NAA25: variants seen among roughly 807,000 people sequenced by gnomAD.
NAA25 encodes the protein N-alpha-acetyltransferase 25, NatB auxiliary subunit.
NAA25 carries 30 observed loss-of-function variants against 132.5 expected under a neutral mutation model. The ratio of observed to expected loss-of-function variants is 0.23; its 90% CI spans 0.17 to 0.31. The LOEUF is 0.31. NAA25 is among the 10% of genes least tolerant of loss of function. The pLI is 1.00. For synonymous variants in NAA25, 359 were observed against 401.9 expected (o/e 0.89, Z 1.28); for missense variants, 771 against 1,150.4 (o/e 0.67, Z 4.77).
intron 19 of NAA25, 88 bp downstream of exon 19, chr12:112,043,000 A>C: frequency 7.4e-7 from 1 of 1,343,292 alleles, no homozygotes; most frequent in South Asian, 1.8e-5. Context: ...GTACTCTAAA[A>C]TTTTCCAGAT....
At chr12:112,044,874 C>CT (rs2078355599) in intron 17 of NAA25, among the ~76,000 whole-genome samples, 1 of 134,082 alleles carries the variant, frequency 7.5e-6, no homozygotes, top group South Asian at 2.4e-4. Flanking sequence ...GACCCAGTCT[C>CT]TAAAAAAAAA....
At chr12:112,084,607 G>A (rs908017098) in intron 4 of NAA25, among the ~76,000 whole-genome samples, 7 of 151,758 alleles carry the variant, frequency 4.6e-5, no homozygotes, top group Non-Finnish European at 1.0e-4. Context: ...TGGCCAGCAT[G>A]GTGAAACCCC....
chr12:112,040,371 G>C, intron 21 of NAA25, 110 bp downstream of exon 21: 3 of 587,276 alleles, frequency 5.1e-6, no homozygotes, highest in Non-Finnish European at 9.1e-6. Flanking sequence ...AACAGGGATG[G>C]AGGGTTAAGT....
intron 3 of NAA25, among the ~76,000 whole-genome samples, chr12:112,088,329 T>TTG (rs1334429897): frequency 6.9e-6 from 1 of 144,136 alleles, no homozygotes; most frequent in African/African-American, 2.6e-5. Context: ...TTTTTTTTTT[T>TTG]TTTTTTTTTT....
chr12:112,077,246 G>T (rs2078906402), intron 7 of NAA25, among the ~76,000 whole-genome samples: 1 of 152,006 alleles, frequency 6.6e-6, no homozygotes, highest in Non-Finnish European at 1.5e-5. Flanking sequence ...GCAGAGGCAG[G>T]CAGATCACTT....
At chr12:112,080,840 C>T (rs2078964074) in intron 5 of NAA25, among the ~76,000 whole-genome samples, 1 of 152,002 alleles carries the variant, frequency 6.6e-6, no homozygotes, top group Non-Finnish European at 1.5e-5. Flanking sequence ...AGGTGGTGTG[C>T]ACCTGTAGTC....
chr12:112,047,430 C>T (rs571388754), intron 17 of NAA25, among the ~76,000 whole-genome samples: 2 of 152,076 alleles, frequency 1.3e-5, no homozygotes, highest in East Asian at 3.9e-4. Context: ...TAGGGTTTCA[C>T]CATGTTGGCC....
At chr12:112,070,192 T>G (rs1205394524) in intron 10 of NAA25, among the ~76,000 whole-genome samples, 1 of 152,136 alleles carries the variant, frequency 6.6e-6, no homozygotes, top group African/African-American at 2.4e-5. Flanking sequence ...GAATTACTGC[T>G]TTCTTTTAGG....
intron 1 of NAA25, among the ~76,000 whole-genome samples, chr12:112,102,397 T>C (rs1489143158): frequency 6.6e-6 from 1 of 150,776 alleles, no homozygotes; most frequent in Non-Finnish European, 1.5e-5. Flanking sequence ...AAAAAAGAAA[T>C]GTACTAATCT....
rs1255551852 is a variant in NAA25 at position 112,043,696 on chromosome 12, G to C, written c.2179C>G (p.Leu727Val). The part of the protein sequence containing the change: ...ENGVSSRIDI[L>V]RLLLQQLEAT... Reference sequence around the variant, plus strand: ...TCCAGCTGTTGAAGGAGCAAACGAAGAATATCAATCCGGGAGGATACCCCA... The same window carrying C: ...TCCAGCTGTTGAAGGAGCAAACGAACAATATCAATCCGGGAGGATACCCCA... The change falls in exon 18 of 24, where the codon CTT becomes GTT. Residue 727 changes from leucine (L) to valine (V), a missense_variant. By Grantham distance (32) the Leu-to-Val change is conservative. Transcript: ENST00000261745. 6.2e-7 allele frequency: 1 copy of C among 1,614,186 alleles called. No individual in the cohort carries two copies. The highest frequency in any genetic ancestry group is 2.2e-5 in the East Asian group (1 of 44,880).
intron 3 of NAA25, among the ~76,000 whole-genome samples, chr12:112,088,374 T>C (rs1418194966): frequency 7.2e-6 from 1 of 139,306 alleles, no homozygotes; most frequent in African/African-American, 2.7e-5. Flanking sequence ...TCGCCCAGGC[T>C]GGAGTGCAAT....
chr12:112,074,630 T>C (rs1210581043), intron 9 of NAA25, 45 bp downstream of exon 9: 15 of 1,163,050 alleles, frequency 1.3e-5, no homozygotes, highest in Admixed American at 2.1e-5. Context: ...TTCACTACAC[T>C]ATATTAAAAA....
chr12:112,035,789 T>G (rs1345023512), intron 22 of NAA25, among the ~76,000 whole-genome samples: 1 of 151,956 alleles, frequency 6.6e-6, no homozygotes. Flanking sequence ...GTGATCCTCC[T>G]GCTTCAGCCT....
chr12:112,092,949 T>C (rs1566032178), intron 2 of NAA25, 102 bp downstream of exon 2: 1 of 759,264 alleles, frequency 1.3e-6, no homozygotes. Context: ...GTACTGGGAT[T>C]ACAGGCTTGA....
At chr12:112,038,124 A>T (rs1268341773) in intron 22 of NAA25, among the ~76,000 whole-genome samples, 1 of 152,108 alleles carries the variant, frequency 6.6e-6, no homozygotes, top group Non-Finnish European at 1.5e-5. Context: ...AGCAATTCTC[A>T]TACCTCAGTC....
chr12:112,039,221 G>C lies in NAA25; in HGVS notation c.2649+8C>G. 6.6e-7 allele frequency: 1 copy of C among 1,512,412 alleles called. No homozygotes were observed. Among genetic ancestry groups the C allele is most frequent in the Non-Finnish European group, 9.1e-7 (1 of 1,099,286 alleles). 93.7% of individuals were successfully genotyped at this position (1,512,412 alleles called of 1,614,324 possible). A position where few individuals can be genotyped will look rare whatever the true frequency, so the allele number is the denominator to read the frequency against. On this transcript the variant is annotated splice_region_variant and intron_variant, in intron 22 of 23. Coordinates refer to ENST00000261745, the MANE Select transcript of NAA25 (RefSeq NM_024953.4). ...TTCCTTGTATATCACTTGTGTTACT[G>C]TTATTACCATGATGATGCTGGTTTC...
chr12:112,100,646 G>T (rs1242132961), intron 1 of NAA25, among the ~76,000 whole-genome samples: 1 of 124,308 alleles, frequency 8.0e-6, no homozygotes, highest in Admixed American at 8.9e-5. Context: ...TTGAGATGGA[G>T]TCTTGCTCTG....
chr12:112,061,469 G>T, intron 11 of NAA25, 81 bp from the exon 12 acceptor site: 1 of 1,004,040 alleles, frequency 1.0e-6, no homozygotes, highest in Non-Finnish European at 1.5e-6. Flanking sequence ...AAATTGAATG[G>T]TCTAGAAAAA....
chr12:112,060,479 G>A, intron 12 of NAA25, 120 bp from the exon 13 acceptor site: 1 of 639,924 alleles, frequency 1.6e-6, no homozygotes, highest in Non-Finnish European at 2.7e-6. Context: ...AGAAAATTAA[G>A]AATAAGATAA....
Sources: allele counts gnomAD v4.1 joint callset (sites outside exome capture counted in the v4.1 genomes callset), GRCh38; gene constraint gnomAD v4.1.1; transcripts MANE v1.5; gene names NCBI Gene and HGNC (gene_info 2026-07-23, HGNC 2026-07-21).